The following PIK3AP1 variants were observed in gnomAD, a reference collection of about 807,000 sequenced individuals.
PIK3AP1 encodes phosphoinositide-3-kinase adaptor protein 1.
In PIK3AP1, 21 loss-of-function variants were observed where a neutral mutation model predicts 88.1. The observed-to-expected ratio is 0.24, with a 90% confidence interval of 0.17 to 0.34. The LOEUF is 0.34. PIK3AP1 is among the 10% of genes least tolerant of loss of function. The pLI is 1.00. For synonymous variants in PIK3AP1, 398 were observed against 400.0 expected (o/e 1.00, Z 0.06); for missense variants, 828 against 1,035.7 (o/e 0.80, Z 2.75).
At position 96,609,768 on chromosome 10, in the gene PIK3AP1, G is replaced by T; in HGVS notation, c.2114C>A (p.Pro705His). 1 of 1,614,166 alleles carries T rather than the reference G, an allele frequency of 6.2e-7. No individual in the cohort carries two copies. Among genetic ancestry groups the T allele is most frequent in the Non-Finnish European group, 8.5e-7 (1 of 1,180,006 alleles). ...ESGPRKSVIPPRTELRRGDWK... is the reference protein window; with the variant it reads ...ESGPRKSVIPHRTELRRGDWK... ...GTCTCCTCGTCTCAGCTCCGTCCTA[G>T]GGGGAATGACACTTTTCCTGGGGCC... Residue 705 changes from proline to histidine, a missense_variant, in exon 14 of 17, where the codon CCT (proline) becomes CAT (histidine). This residue lies in a region of PIK3AP1 where 191 missense variants were observed against 208.6 expected (regional missense o/e 0.92). Coordinates refer to ENST00000339364, the MANE Select transcript of PIK3AP1 (RefSeq NM_152309.3).
At chr10:96,711,905 C>T (rs1000287076) in intron 1 of PIK3AP1, among the ~76,000 whole-genome samples, 14 of 151,614 alleles carry the variant, frequency 9.2e-5, no homozygotes, top group South Asian at 2.1e-4. Context: ...CGCCCGCCAT[C>T]ACGCCCGGCT....
intron 2 of PIK3AP1, among the ~76,000 whole-genome samples, chr10:96,685,447 T>C (rs1844055741): frequency 6.6e-6 from 1 of 152,210 alleles, no homozygotes; most frequent in African/African-American, 2.4e-5. Flanking sequence ...GGAGCCATAG[T>C]TGGGCTGGTA....
chr10:96,598,053 T>G (rs374819158), intron 16 of PIK3AP1, among the ~76,000 whole-genome samples: 7 of 149,940 alleles, frequency 4.7e-5, no homozygotes, highest in African/African-American at 1.7e-4. Context: ...TGTTTTTTTT[T>G]TTTTTTTTGA....
chr10:96,667,528 T>C (rs972661327), intron 2 of PIK3AP1, among the ~76,000 whole-genome samples: 2 of 152,176 alleles, frequency 1.3e-5, no homozygotes, highest in Non-Finnish European at 2.9e-5. Flanking sequence ...CTAAGTACAC[T>C]GTCCAAGTCA....
At chr10:96,626,418 T>C (rs1363079208) in intron 10 of PIK3AP1, among the ~76,000 whole-genome samples, 1 of 152,232 alleles carries the variant, frequency 6.6e-6, no homozygotes, top group African/African-American at 2.4e-5. Context: ...TCAAATTTCA[T>C]AATAATATCA....
intron 9 of PIK3AP1, 145 bp from the exon 10 acceptor site, chr10:96,627,050 G>A (rs535758047): frequency 3.1e-5 from 23 of 736,658 alleles, no homozygotes; most frequent in African/African-American, 2.9e-4. Flanking sequence ...TTCCTGTATC[G>A]TCTGCTCAGA....
chr10:96,608,711 G>T (rs895544537), intron 14 of PIK3AP1, among the ~76,000 whole-genome samples: 4 of 152,180 alleles, frequency 2.6e-5, no homozygotes, highest in African/African-American at 9.7e-5. Flanking sequence ...GTATCTGGGG[G>T]ACACAGCCAA....
intron 14 of PIK3AP1, among the ~76,000 whole-genome samples, chr10:96,605,302 C>T (rs1848984453): frequency 6.6e-6 from 1 of 152,088 alleles, no homozygotes; most frequent in Non-Finnish European, 1.5e-5. Context: ...TGTGTGTTAT[C>T]CAATATGGTA....
rs55885337 is a variant in PIK3AP1, at chr10:96,637,314, T to TCACACACACACA, written c.1375+8147_1375+8158dup. 3.4e-3 allele frequency among the ~76,000 whole-genome samples: 439 copies of TCACACACACACA among 128,054 alleles called. 3 individuals are homozygous for TCACACACACACA. The highest frequency in any genetic ancestry group is 0.011 in the African/African-American group (381 of 35,782). The allele number at this position is 128,054 out of a possible 152,430, so 84.0% of individuals were successfully genotyped here. A position where few individuals can be genotyped will look rare whatever the true frequency, so the allele number is the denominator to read the frequency against. On this transcript the variant is annotated intron_variant, in intron 8 of 16. Transcript: ENST00000339364. Reference sequence around the variant, plus strand: ...AGGAAGATGTGGGAGAGATATACAATCACACACACACACACACACACACAC... The same window carrying TCACACACACACA: ...AGGAAGATGTGGGAGAGATATACAATCACACACACACACACACACACACACACACACACACAC...
intron 2 of PIK3AP1, among the ~76,000 whole-genome samples, chr10:96,667,566 C>A (rs1297904410): frequency 6.6e-6 from 1 of 152,150 alleles, no homozygotes; most frequent in Non-Finnish European, 1.5e-5. Flanking sequence ...GGCAACCTGA[C>A]AACAATTTAA....
chr10:96,604,070 C>A (rs1489644707), intron 14 of PIK3AP1, 21 bp from the exon 15 acceptor site: 2 of 1,539,480 alleles, frequency 1.3e-6, no homozygotes, highest in Non-Finnish European at 1.8e-6. Context: ...GAAAGAAAAT[C>A]AGCCGGATTG....
chr10:96,718,977 G>A (rs1225804710), intron 1 of PIK3AP1, among the ~76,000 whole-genome samples: 2 of 152,140 alleles, frequency 1.3e-5, no homozygotes, highest in Non-Finnish European at 2.9e-5. Context: ...GCTCAAATGT[G>A]CCTTTCTCCA....
chr10:96,630,520 G>A (rs1196363180), intron 8 of PIK3AP1, among the ~76,000 whole-genome samples: 6 of 152,014 alleles, frequency 3.9e-5, no homozygotes, highest in South Asian at 2.1e-4. Context: ...TGTGTTTCAC[G>A]GAACATTTTC....
At chr10:96,715,877 G>A (rs557676063) in intron 1 of PIK3AP1, among the ~76,000 whole-genome samples, 6 of 149,696 alleles carry the variant, frequency 4.0e-5, no homozygotes, top group East Asian at 2.0e-4. Flanking sequence ...GCAACAGAGC[G>A]AGACTCCATT....
intron 16 of PIK3AP1, among the ~76,000 whole-genome samples, chr10:96,599,416 A>C (rs746733756): frequency 1.6e-4 from 25 of 152,106 alleles, no homozygotes; most frequent in Non-Finnish European, 3.4e-4. Context: ...GGAGATGGAG[A>C]CTTGGGGTCT....
chr10:96,666,555 A>C (rs1359319138), intron 2 of PIK3AP1, among the ~76,000 whole-genome samples: 1 of 152,180 alleles, frequency 6.6e-6, no homozygotes, highest in Non-Finnish European at 1.5e-5. Context: ...GGGTCTGAAA[A>C]AAACTATGAA....
intron 2 of PIK3AP1, among the ~76,000 whole-genome samples, chr10:96,674,007 T>C (rs1843883531): frequency 6.6e-6 from 1 of 152,192 alleles, no homozygotes; most frequent in African/African-American, 2.4e-5. Context: ...TTCTCATCCC[T>C]CACCGTGAAA....
Position 96,709,649 on chromosome 10 carries a change from T to C in PIK3AP1, c.348A>G (p.Pro116=), listed in dbSNP as rs1395058785. 17 of 1,614,170 alleles carry C rather than the reference T, an allele frequency of 1.1e-5. No homozygotes were observed. The highest frequency in any genetic ancestry group is 1.4e-5 in the Non-Finnish European group (17 of 1,180,014). ...TGAGCTCCTGCCAATGGGCCCAATC[T>C]GGAAAGAAGTCTAGGAACTCCTCGC... ...RDSEEFLDFF[P]DWAHWQELTC... The change falls in exon 2 of 17, where the codon CCA becomes CCG. Residue 116 remains proline (P), a synonymous_variant. Transcript: ENST00000339364.
chr10:96,649,953 A>G (rs185799077), intron 6 of PIK3AP1, among the ~76,000 whole-genome samples: 1 of 152,274 alleles, frequency 6.6e-6, no homozygotes, highest in Non-Finnish European at 1.5e-5. Flanking sequence ...TTTTTCATAA[A>G]CGTTTATTTT....
Sources: allele counts gnomAD v4.1 joint callset (sites outside exome capture counted in the v4.1 genomes callset), GRCh38; gene constraint gnomAD v4.1.1; regional missense constraint gnomAD v4.1.1; transcripts MANE v1.5; gene names NCBI Gene and HGNC (gene_info 2026-07-23, HGNC 2026-07-21).